SLC24A3: variants seen among roughly 807,000 people sequenced by gnomAD.
SLC24A3 encodes sodium/potassium/calcium exchanger 3.
A neutral mutation model predicts 75.8 loss-of-function variants in SLC24A3; 28 were observed. The observed-to-expected ratio is 0.37, with a 90% CI of 0.27 to 0.51. The LOEUF is 0.51. Ranked by LOEUF, SLC24A3 falls within the 20% of genes least tolerant of loss-of-function variation. The probability of loss-of-function intolerance (pLI) is 0.94; values close to 1 mark genes in which losing one functional copy is unlikely to be tolerated. For missense variants in SLC24A3, 663 were observed against 847.8 expected (o/e 0.78, Z 2.71); for synonymous variants, 372 against 334.1 (o/e 1.11, Z -1.24).
At chr20:19,291,353 G>A (rs568940419) in intron 2 of SLC24A3, among the ~76,000 whole-genome samples, 226 of 152,308 alleles carry the variant, frequency 1.5e-3, no homozygotes, top group African/African-American at 5.1e-3. Context: ...GGCTGTGAAG[G>A]TCAGGGATGG....
chr20:19,316,804 T>C (rs573123525), intron 2 of SLC24A3, among the ~76,000 whole-genome samples: 1 of 152,332 alleles, frequency 6.6e-6, no homozygotes, highest in East Asian at 1.9e-4. Flanking sequence ...TTTTTAAAAA[T>C]AGAATCTCTT....
chr20:19,272,774 G>A (rs561451199), intron 1 of SLC24A3, among the ~76,000 whole-genome samples: 12 of 152,352 alleles, frequency 7.9e-5, no homozygotes, highest in African/African-American at 2.6e-4. Flanking sequence ...TAGCTCTAAT[G>A]AAGTGCTGGG....
chr20:19,399,134 C>T (rs563607098), intron 2 of SLC24A3, among the ~76,000 whole-genome samples: 178 of 152,132 alleles, frequency 1.2e-3, no homozygotes, highest in African/African-American at 4.0e-3. Context: ...TTGATGTCAC[C>T]TCCCTCATTC....
intron 1 of SLC24A3, among the ~76,000 whole-genome samples, chr20:19,245,830 A>G (rs1230809535): frequency 6.6e-6 from 1 of 152,176 alleles, no homozygotes; most frequent in Non-Finnish European, 1.5e-5. Flanking sequence ...GTCAAAAAAA[A>G]ACTTCACCAG....
intron 2 of SLC24A3, among the ~76,000 whole-genome samples, chr20:19,359,231 T>C (rs1373790949): frequency 2.0e-5 from 3 of 152,244 alleles, no homozygotes; most frequent in Non-Finnish European, 2.9e-5. Context: ...TTTGTGTTTT[T>C]CTTGATGAAC....
At chr20:19,680,142 CTGTG>C (rs978987177) in intron 9 of SLC24A3, among the ~76,000 whole-genome samples, 3 of 143,374 alleles carry the variant, frequency 2.1e-5, no homozygotes, top group South Asian at 2.2e-4. Context: ...GTGTGTGTCT[CTGTG>C]TGTGTCTGTG....
At chr20:19,354,620 GTGTA>G (rs148697764) in intron 2 of SLC24A3, among the ~76,000 whole-genome samples, 1,443 of 126,068 alleles carry the variant, frequency 0.011, 24 homozygotes, top group African/African-American at 0.052. Context: ...GTGTGTGTGT[GTGTA>G]TGTGTGTATG....
intron 2 of SLC24A3, among the ~76,000 whole-genome samples, chr20:19,500,429 G>A (rs1988367468): frequency 6.6e-6 from 1 of 152,142 alleles, no homozygotes; most frequent in African/African-American, 2.4e-5. Flanking sequence ...GGAGATCAGA[G>A]ATTTTTATGA....
chr20:19,594,933 T>C (rs1460131017), intron 6 of SLC24A3, among the ~76,000 whole-genome samples: 3 of 152,166 alleles, frequency 2.0e-5, no homozygotes, highest in Non-Finnish European at 4.4e-5. Flanking sequence ...TGAAAAAATA[T>C]TAAGACATTG....
intron 6 of SLC24A3, among the ~76,000 whole-genome samples, chr20:19,613,777 T>C (rs950953558): frequency 9.9e-5 from 15 of 152,142 alleles, no homozygotes; most frequent in Non-Finnish European, 1.8e-4. Flanking sequence ...CTCTTCCCCA[T>C]CACATGAAAA....
intron 2 of SLC24A3, among the ~76,000 whole-genome samples, chr20:19,450,099 A>C (rs1987454993): frequency 6.6e-6 from 1 of 152,210 alleles, no homozygotes; most frequent in South Asian, 2.1e-4. Flanking sequence ...GTGCCAAGTG[A>C]GAGCACGGTG....
chr20:19,604,083 T>A (rs2031564475), intron 6 of SLC24A3, among the ~76,000 whole-genome samples: 4 of 152,176 alleles, frequency 2.6e-5, no homozygotes, highest in Admixed American at 2.6e-4. Context: ...CTCGGGGATA[T>A]GATGGTGACC....
chr20:19,469,416 T>G (rs1987827063), intron 2 of SLC24A3, among the ~76,000 whole-genome samples: 1 of 152,222 alleles, frequency 6.6e-6, no homozygotes, highest in African/African-American at 2.4e-5. Flanking sequence ...CTATAGAAGC[T>G]TCTTGGAGAA....
At chr20:19,674,517 C>A (rs2032502316) in intron 9 of SLC24A3, among the ~76,000 whole-genome samples, 1 of 152,130 alleles carries the variant, frequency 6.6e-6, no homozygotes, top group Non-Finnish European at 1.5e-5. Context: ...TCCTCCAGAG[C>A]AAGTGGTTCA....
chr20:19,390,713 A>G (rs972905512), intron 2 of SLC24A3, among the ~76,000 whole-genome samples: 4 of 152,134 alleles, frequency 2.6e-5, no homozygotes, highest in African/African-American at 7.2e-5. Flanking sequence ...ATCAGCTATA[A>G]TTGCTGAATT....
chr20:19,648,869 A>G (rs560020767), intron 6 of SLC24A3, among the ~76,000 whole-genome samples: 2 of 152,374 alleles, frequency 1.3e-5, no homozygotes, highest in South Asian at 4.1e-4. Flanking sequence ...AGAAATATCA[A>G]GATGAAATTC....
At chr20:19,653,688 G>A (rs2032232983) in intron 6 of SLC24A3, among the ~76,000 whole-genome samples, 1 of 152,130 alleles carries the variant, frequency 6.6e-6, no homozygotes, top group African/African-American at 2.4e-5. Context: ...TTGCATTGAG[G>A]GTTCCCTGGG....
In SLC24A3 at chr20:19,690,616, G is replaced by A. The variant is rs1375341391; in HGVS notation, c.1325-2643G>A. On this transcript the variant is annotated intron_variant, in intron 12 of 16. Transcript: ENST00000328041. ...AGGGGATTCTAGGAGGTTCCACATG[G>A]GTAAATGCCTTATCAGCACATTGCG... is the stretch of plus-strand genomic sequence containing the variant. 2.6e-5 allele frequency among the ~76,000 whole-genome samples: 4 copies of A among 152,236 alleles called. No homozygotes were observed. In the East Asian group the frequency reaches 7.7e-4, roughly 29 times the overall value.
intron 2 of SLC24A3, among the ~76,000 whole-genome samples, chr20:19,420,582 G>A (rs1304975906): frequency 3.0e-5 from 3 of 100,276 alleles, no homozygotes; most frequent in East Asian, 1.1e-3. Flanking sequence ...CGTGAAAATG[G>A]CCATACTGCC....
Sources: allele counts gnomAD v4.1 joint callset (sites outside exome capture counted in the v4.1 genomes callset), GRCh38; gene constraint gnomAD v4.1.1; transcripts MANE v1.5; gene names NCBI Gene and HGNC (gene_info 2026-07-23, HGNC 2026-07-21).